The following NUP210L variants were observed in gnomAD, a reference collection of about 807,000 sequenced individuals.
NUP210L encodes nuclear pore membrane glycoprotein 210-like.
In NUP210L, 74 loss-of-function variants were observed where a neutral mutation model predicts 208.5. That is an observed-to-expected ratio of 0.35 (90% CI 0.29 to 0.43). The LOEUF (loss-of-function observed/expected upper bound fraction) is 0.43, where lower values mean the gene tolerates loss of function less well. Among genes scored for constraint, NUP210L ranks in the 20% least tolerant of loss-of-function variants. NUP210L has a pLI of 1.00. For missense variants in NUP210L, 1,843 were observed against 2,289.4 expected (o/e 0.81, Z 3.98); for synonymous variants, 780 against 816.9 (o/e 0.95, Z 0.77).
chr1:154,101,848 G>T (rs1226621906), intron 13 of NUP210L, among the ~76,000 whole-genome samples: 1 of 151,868 alleles, frequency 6.6e-6, no homozygotes, highest in Non-Finnish European at 1.5e-5. Flanking sequence ...ATATATGAGA[G>T]AATTTAAAGT....
chr1:154,040,526 C>A (rs1652813822), intron 27 of NUP210L, among the ~76,000 whole-genome samples: 1 of 151,772 alleles, frequency 6.6e-6, no homozygotes. Flanking sequence ...CATAATTACC[C>A]CTAAAGTAAC....
intron 26 of NUP210L, 36 bp downstream of exon 26, chr1:154,046,253 A>G (rs1653171713): frequency 6.2e-7 from 1 of 1,614,132 alleles, no homozygotes; most frequent in Non-Finnish European, 8.5e-7. Flanking sequence ...TGCAATTATC[A>G]GAATAATGAG....
chr1:154,117,658 G>T, intron 12 of NUP210L, 67 bp downstream of exon 12: 2 of 1,231,832 alleles, frequency 1.6e-6, no homozygotes, highest in Non-Finnish European at 2.3e-6. Context: ...TTTTTAAAGT[G>T]TGTTAATTAC....
intron 23 of NUP210L, among the ~76,000 whole-genome samples, chr1:154,055,193 C>CTTCTTTCTTTCTT: frequency 9.4e-6 from 1 of 105,914 alleles, no homozygotes; most frequent in African/African-American, 3.3e-5. Flanking sequence ...CTTTCTTTTT[C>CTTCTTTCTTTCTT]TTTCTTTCTT....
At chr1:154,061,100 G>A (rs771084719) in intron 18 of NUP210L, 54 bp from the exon 19 acceptor site, 37 of 1,255,844 alleles carry the variant, frequency 2.9e-5, no homozygotes, top group Admixed American at 1.0e-4. Context: ...ATTCTTGGCC[G>A]CCCACGGTGG....
chr1:154,135,117 A>G (rs1363148262), intron 7 of NUP210L, among the ~76,000 whole-genome samples: 1 of 152,196 alleles, frequency 6.6e-6, no homozygotes, highest in Admixed American at 6.5e-5. Flanking sequence ...CAATAAAAAT[A>G]TTAGTTAAAC....
chr1:154,121,218 C>T (rs1453989398), intron 10 of NUP210L, among the ~76,000 whole-genome samples: 1 of 152,178 alleles, frequency 6.6e-6, no homozygotes, highest in Non-Finnish European at 1.5e-5. Context: ...TTTGCCTTCT[C>T]TATGCACTTG....
intron 27 of NUP210L, among the ~76,000 whole-genome samples, chr1:154,035,257 C>T (rs1008832426): frequency 6.6e-6 from 1 of 151,896 alleles, no homozygotes; most frequent in Non-Finnish European, 1.5e-5. Context: ...TTTTGTTGAT[C>T]TTTTGTATTC....
At chr1:154,153,663 C>T (rs1659526236) in intron 1 of NUP210L, among the ~76,000 whole-genome samples, 1 of 152,266 alleles carries the variant, frequency 6.6e-6, no homozygotes, top group African/African-American at 2.4e-5. Context: ...TCCGGCTGGT[C>T]TCAAACTCCT....
chr1:154,080,505 A>T (rs895899376), intron 16 of NUP210L, among the ~76,000 whole-genome samples: 1 of 151,824 alleles, frequency 6.6e-6, no homozygotes, highest in African/African-American at 2.4e-5. Context: ...AATATGATGA[A>T]ACCCTGTCTC....
At chr1:154,073,868 G>A (rs1371315651) in intron 16 of NUP210L, among the ~76,000 whole-genome samples, 1 of 147,028 alleles carries the variant, frequency 6.8e-6, no homozygotes, top group Non-Finnish European at 1.5e-5. Flanking sequence ...AAATTCAATG[G>A]TATACTGGAG....
At chr1:154,071,598 A>G (rs923635414) in intron 16 of NUP210L, among the ~76,000 whole-genome samples, 1 of 145,374 alleles carries the variant, frequency 6.9e-6, no homozygotes, top group Non-Finnish European at 1.5e-5. Flanking sequence ...AATCCCATCC[A>G]GGTTGCTGCA....
At chr1:154,121,739 C>T (rs11265130) in intron 10 of NUP210L, among the ~76,000 whole-genome samples, 183 of 151,740 alleles carry the variant, frequency 1.2e-3, no homozygotes, top group African/African-American at 4.3e-3. Flanking sequence ...TGGTGGCGGG[C>T]GCCTGTAATC....
exon 38 of NUP210L, chr1:153,995,124 G>A (rs1165635610): frequency 6.2e-7 from 1 of 1,614,034 alleles, no homozygotes; most frequent in South Asian, 1.1e-5. Flanking sequence ...AGGGTCAAGA[G>A]CAGGATCTGG....
At chr1:154,001,670 A>C in intron 36 of NUP210L, 65 bp downstream of exon 36, 2 of 1,541,162 alleles carry the variant, frequency 1.3e-6, no homozygotes, top group Non-Finnish European at 1.8e-6. Flanking sequence ...CCTTGAAGTG[A>C]GAATGAAAAC....
At chr1:154,019,900 T>C (rs1430459665) in intron 32 of NUP210L, among the ~76,000 whole-genome samples, 2 of 152,148 alleles carry the variant, frequency 1.3e-5, no homozygotes, top group East Asian at 1.9e-4. Flanking sequence ...CACTCCAGCC[T>C]GGGTGATAAG....
chr1:154,017,821 G>A (rs1045101435), intron 33 of NUP210L, among the ~76,000 whole-genome samples: 1 of 151,934 alleles, frequency 6.6e-6, no homozygotes, highest in Non-Finnish European at 1.5e-5. Flanking sequence ...AAGCCTGGTT[G>A]TTTCTTATAA....
intron 29 of NUP210L, among the ~76,000 whole-genome samples, chr1:154,026,746 C>T (rs1047127784): frequency 6.6e-6 from 1 of 152,108 alleles, no homozygotes; most frequent in African/African-American, 2.4e-5. Flanking sequence ...CTGATACATG[C>T]TACAACATGG....
intron 14 of NUP210L, among the ~76,000 whole-genome samples, chr1:154,097,273 T>C (rs2148057323): frequency 6.6e-6 from 1 of 152,212 alleles, no homozygotes; most frequent in East Asian, 1.9e-4. Context: ...AACATAGTAA[T>C]GATAACAAGG....
Sources: gnomAD v4.1 joint callset for allele counts (sites outside exome capture counted in the v4.1 genomes callset) on GRCh38, gnomAD v4.1.1 for gene constraint, MANE v1.5 for transcripts, NCBI Gene and HGNC (gene_info 2026-07-23, HGNC 2026-07-21) for gene names.